Variants in CLINT1 observed in about 807,000 individuals in gnomAD.
CLINT1 encodes the protein clathrin interacting protein localized in the trans-Golgi region.
Under a neutral mutation model 70.4 loss-of-function variants are expected in CLINT1, and 15 were observed. The ratio of observed to expected loss-of-function variants is 0.21; its 90% CI spans 0.14 to 0.33. The LOEUF (loss-of-function observed/expected upper bound fraction) is 0.33. Ranked by LOEUF, CLINT1 falls within the 10% of genes least tolerant of loss-of-function variation. CLINT1 has a pLI of 1.00. For synonymous variants in CLINT1, 227 were observed against 254.7 expected (o/e 0.89, Z 1.04); for missense variants, 615 against 778.1 (o/e 0.79, Z 2.49).
Position 157,831,733 on chromosome 5 carries a change from C to T in CLINT1, c.42-14186G>A, listed in dbSNP as rs190232990. Reference sequence around the variant, plus strand: ...TTTTTTTAAGACAGTCTTGCTCTGTCGCCAGGCTGGAGTGCAGTGGCACAA... The same window carrying T: ...TTTTTTTAAGACAGTCTTGCTCTGTTGCCAGGCTGGAGTGCAGTGGCACAA... On this transcript the variant is annotated intron_variant, in intron 1 of 11. Transcript: ENST00000411809. Among the ~76,000 whole-genome samples the T allele has an allele frequency of 3.4e-3, 469 of 138,172 alleles. 18 individuals carry two copies. In the East Asian group the frequency reaches 0.083, roughly 24 times the overall value. 90.6% of individuals were successfully genotyped at this position (138,172 alleles called of 152,430 possible).
At chr5:157,839,819 T>C (rs1036976174) in intron 1 of CLINT1, among the ~76,000 whole-genome samples, 19 of 152,056 alleles carry the variant, frequency 1.2e-4, no homozygotes, top group African/African-American at 4.3e-4. Flanking sequence ...TACCACTAAG[T>C]GGAACCAAAA....
chr5:157,811,103 A>G (rs190346787), intron 5 of CLINT1, among the ~76,000 whole-genome samples: 1 of 152,352 alleles, frequency 6.6e-6, no homozygotes, highest in East Asian at 1.9e-4. Flanking sequence ...AGTGTGATGA[A>G]CCAGACTTCG....
At chr5:157,830,616 C>T (rs171713) in intron 1 of CLINT1, among the ~76,000 whole-genome samples, 61,079 of 151,434 alleles carry the variant, frequency 0.4, 12,837 homozygotes, top group East Asian at 0.61. Flanking sequence ...TGGTTCACGG[C>T]TGTAATCCCA....
chr5:157,815,294 TC>T (rs1762686037), intron 3 of CLINT1, among the ~76,000 whole-genome samples: 1 of 151,984 alleles, frequency 6.6e-6, no homozygotes, highest in South Asian at 2.1e-4. Context: ...AGCCAGACTG[TC>T]TTAAAAACAA....
At chr5:157,829,500 T>C (rs1287151754) in intron 1 of CLINT1, among the ~76,000 whole-genome samples, 1 of 152,074 alleles carries the variant, frequency 6.6e-6, no homozygotes, top group East Asian at 1.9e-4. Flanking sequence ...ATTTTAATGG[T>C]GCATTGTGAG....
chr5:157,833,923 C>CA (rs1763330115), intron 1 of CLINT1, among the ~76,000 whole-genome samples: 1 of 152,090 alleles, frequency 6.6e-6, no homozygotes, highest in Admixed American at 6.5e-5. Context: ...GCCTGGGTGA[C>CA]AGAGTGAGAC....
Position 157,848,773 on chromosome 5 carries a change from T to C in CLINT1, c.41+10157A>G, listed in dbSNP as rs182247440. Among the ~76,000 whole-genome samples the C allele has an allele frequency of 5.5e-4, 84 of 152,276 alleles. 1 individual carries two copies. The East Asian group carries it at 0.016, about 28-fold the overall frequency. On this transcript the variant is annotated intron_variant, in intron 1 of 11. Transcript: ENST00000411809. ...GCCTCTGGGGTTCAAGTGATTCTCC[T>C]GCCTCACACTCCTGAGTAGCAGGGA...
At position 157,789,425 on chromosome 5, in the gene CLINT1, A is replaced by G. The variant is rs757775727; in HGVS notation, c.1469T>C (p.Leu490Pro). The change falls in exon 11 of 12, where the codon CTA (leucine) becomes CCA (proline). Residue 490 changes from leucine to proline, a missense_variant. Leu to Pro is a moderately conservative substitution (Grantham distance 98). Transcript: ENST00000411809. The part of the protein sequence containing the change: ...PSVNISLDNL[L>P]PGMQPSKPQQ... ...GGGTTTGGAAGGCTGCATACCAGGT[A>G]GTAAGTTGTCTAGGCTGATGTTTAC... 29 of 1,613,868 alleles carry G rather than the reference A, an allele frequency of 1.8e-5. No homozygotes were observed. Among genetic ancestry groups the G allele is most frequent in the Non-Finnish European group, 2.3e-5 (27 of 1,179,888 alleles).
intron 1 of CLINT1, among the ~76,000 whole-genome samples, chr5:157,822,461 T>C (rs1762906377): frequency 6.6e-6 from 1 of 152,184 alleles, no homozygotes; most frequent in African/African-American, 2.4e-5. Context: ...TCCCCAGCCA[T>C]GTGGAACTGT....
At chr5:157,846,291 T>C (rs1478280396) in intron 1 of CLINT1, among the ~76,000 whole-genome samples, 2 of 152,196 alleles carry the variant, frequency 1.3e-5, no homozygotes, top group African/African-American at 2.4e-5. Flanking sequence ...AAAGTGCTAG[T>C]CTAGTGAACA....
intron 1 of CLINT1, among the ~76,000 whole-genome samples, chr5:157,838,122 G>GTTT (rs199515235): frequency 8.5e-5 from 11 of 129,934 alleles, no homozygotes; most frequent in Middle Eastern, 4.0e-3. Context: ...AGGTTTTTTT[G>GTTT]TTTTTTTTTT....
intron 1 of CLINT1, among the ~76,000 whole-genome samples, chr5:157,854,512 C>A (rs1420787786): frequency 6.6e-6 from 1 of 152,174 alleles, no homozygotes; most frequent in Non-Finnish European, 1.5e-5. Flanking sequence ...CCAGCCTGGA[C>A]AACTGAGTGT....
At chr5:157,803,803 G>T in intron 7 of CLINT1, 84 bp from the exon 8 acceptor site, 1 of 926,700 alleles carries the variant, frequency 1.1e-6, no homozygotes, top group Non-Finnish European at 1.6e-6. Context: ...TCTCAATTTA[G>T]ACATAAATAC....
chr5:157,848,858 C>T (rs891286868), intron 1 of CLINT1, among the ~76,000 whole-genome samples: 1 of 151,702 alleles, frequency 6.6e-6, no homozygotes, highest in African/African-American at 2.4e-5. Flanking sequence ...GACGGGGTTT[C>T]ACCACGTTGG....
At chr5:157,848,834 G>C (rs1485074138) in intron 1 of CLINT1, among the ~76,000 whole-genome samples, 1 of 151,322 alleles carries the variant, frequency 6.6e-6, no homozygotes. Flanking sequence ...GCTAATTTTT[G>C]TATTTTTAGT....
rs74754292 is a variant in CLINT1 at position 157,793,214 on chromosome 5, C to CT, written c.1088-1220dup. Among the ~76,000 whole-genome samples the CT allele has an allele frequency of 6.8e-3, 981 of 143,392 alleles. 4 individuals are homozygous for CT. The highest frequency in any genetic ancestry group is 0.013 in the African/African-American group (512 of 39,542). The allele number at this position is 143,392 out of a possible 152,430, so 94.1% of individuals were successfully genotyped here. On this transcript the variant is annotated intron_variant, in intron 9 of 11. Transcript: ENST00000411809. ...GGTTTTACTAATACACGTCTTTGAT[C>CT]TTTTTTTTTTTTTTAAGTGACTGCA...
At chr5:157,804,653 G>A (rs929452910) in intron 7 of CLINT1, among the ~76,000 whole-genome samples, 10 of 152,062 alleles carry the variant, frequency 6.6e-5, no homozygotes, top group African/African-American at 1.4e-4. Context: ...TGCCGGGCGC[G>A]GTGGCTCAAG....
At chr5:157,829,490 A>G (rs1200361680) in intron 1 of CLINT1, among the ~76,000 whole-genome samples, 2 of 152,088 alleles carry the variant, frequency 1.3e-5, no homozygotes, top group African/African-American at 4.8e-5. Flanking sequence ...AGAGACTATT[A>G]TTTTAATGGT....
In CLINT1 at chr5:157,792,032, T is replaced by G. The variant is rs201036289; in HGVS notation, c.1088-37A>C. On this transcript the variant is annotated intron_variant, in intron 9 of 11. Coordinates refer to ENST00000411809, the MANE Select transcript of CLINT1 (RefSeq NM_014666.4). Reference sequence around the variant, plus strand: ...ATAACTCTAAGGGTAAGAAACTTCATGGAATGCACAGAACAAATGTAACAA... The same window carrying G: ...ATAACTCTAAGGGTAAGAAACTTCAGGGAATGCACAGAACAAATGTAACAA... The G allele has an allele frequency of 2.2e-5, 34 of 1,558,076 alleles. No homozygotes were observed. In the African/African-American group the frequency reaches 4.4e-4, roughly 20 times the overall value.
Sources: gnomAD v4.1 joint callset for allele counts (sites outside exome capture counted in the v4.1 genomes callset) on GRCh38, gnomAD v4.1.1 for gene constraint, MANE v1.5 for transcripts, NCBI Gene and HGNC (gene_info 2026-07-23, HGNC 2026-07-21) for gene names.